MTUS1: variants seen among roughly 807,000 people sequenced by gnomAD.
MTUS1 encodes microtubule associated scaffold protein 1.
In MTUS1, 109 loss-of-function variants were observed where a neutral mutation model predicts 120.8. The ratio of observed to expected loss-of-function variants is 0.90; its 90% CI spans 0.77 to 1.06. The LOEUF (loss-of-function observed/expected upper bound fraction) is 1.06. Among genes scored for constraint, MTUS1 ranks in the 50% least tolerant of loss-of-function variants. The pLI, the probability that MTUS1 is intolerant of heterozygous loss-of-function variation, is 0.00. For synonymous variants in MTUS1, 737 were observed against 550.5 expected (o/e 1.34, Z -4.74); for missense variants, 2,210 against 1,486.3 (o/e 1.49, Z -8.01).
At chr8:17,745,762 T>A (rs959810132) in intron 2 of MTUS1, among the ~76,000 whole-genome samples, 5 of 152,238 alleles carry the variant, frequency 3.3e-5, no homozygotes, top group African/African-American at 1.2e-4. Context: ...GTTTTCCTTC[T>A]ACCTGTCCGG....
At chr8:17,740,982 C>T (rs1163233543) in intron 3 of MTUS1, among the ~76,000 whole-genome samples, 1 of 152,174 alleles carries the variant, frequency 6.6e-6, no homozygotes, top group Non-Finnish European at 1.5e-5. Context: ...TCTCCTGCCT[C>T]ACCCTCCCCA....
intron 3 of MTUS1, among the ~76,000 whole-genome samples, chr8:17,731,110 C>G (rs1479343027): frequency 6.6e-6 from 1 of 152,070 alleles, no homozygotes; most frequent in Non-Finnish European, 1.5e-5. Context: ...ATATACATCT[C>G]AGAGATATAA....
intron 4 of MTUS1, chr8:17,723,229 A>G (rs1021345649): frequency 7.7e-5 from 14 of 181,258 alleles, no homozygotes; most frequent in Non-Finnish European, 1.4e-4. Flanking sequence ...TTAACTGAAA[A>G]CTTTAACAAA....
chr8:17,712,840 A>G (rs896047961), intron 6 of MTUS1, among the ~76,000 whole-genome samples: 2 of 152,218 alleles, frequency 1.3e-5, no homozygotes, highest in South Asian at 4.1e-4. Context: ...ACATAAAAAT[A>G]TAGGCTGCTG....
intron 3 of MTUS1, among the ~76,000 whole-genome samples, chr8:17,725,453 T>G (rs980970609): frequency 2.0e-5 from 3 of 152,302 alleles, no homozygotes; most frequent in Admixed American, 1.3e-4. Flanking sequence ...TAACCTCGCT[T>G]TCTCTCTGAC....
chr8:17,675,979 C>T (rs1347499291), intron 7 of MTUS1: 4 of 382,680 alleles, frequency 1.0e-5, no homozygotes, highest in African/African-American at 4.1e-5. Context: ...CACATACACA[C>T]ATACTTACAC....
intron 6 of MTUS1, among the ~76,000 whole-genome samples, chr8:17,688,172 C>T (rs962163843): frequency 3.3e-5 from 5 of 152,278 alleles, no homozygotes; most frequent in African/African-American, 1.2e-4. Flanking sequence ...TGGAAACGAA[C>T]GTTGTCCACT....
intron 6 of MTUS1, among the ~76,000 whole-genome samples, chr8:17,702,413 A>G (rs1031375957): frequency 9.2e-5 from 14 of 152,064 alleles, no homozygotes; most frequent in African/African-American, 2.7e-4. Flanking sequence ...AGAACACTTA[A>G]TGAGATCTAC....
chr8:17,761,069 A>ACCC (rs2049004360), intron 1 of MTUS1, among the ~76,000 whole-genome samples: 1 of 152,174 alleles, frequency 6.6e-6, no homozygotes, highest in Non-Finnish European at 1.5e-5. Context: ...CCCACTTATT[A>ACCC]AAGAGCTGGG....
intron 4 of MTUS1, among the ~76,000 whole-genome samples, chr8:17,718,043 CACA>C (rs1822668899): frequency 6.6e-6 from 1 of 152,178 alleles, no homozygotes; most frequent in Non-Finnish European, 1.5e-5. Flanking sequence ...TAATGGCAGG[CACA>C]ACCTGTACTG....
At chr8:17,768,153 G>C (rs781444951) in intron 1 of MTUS1, among the ~76,000 whole-genome samples, 3 of 152,216 alleles carry the variant, frequency 2.0e-5, no homozygotes, top group Non-Finnish European at 4.4e-5. Context: ...TAGTATCAGA[G>C]AGCTGTATAA....
chr8:17,654,216 G>T, intron 10 of MTUS1: 1 of 294,680 alleles, frequency 3.4e-6, no homozygotes, highest in Non-Finnish European at 6.3e-6. Flanking sequence ...CTGCTGTGCA[G>T]GAGCACTTGG....
chr8:17,684,134 G>GA (rs1815219720), intron 7 of MTUS1, among the ~76,000 whole-genome samples, 194 bp downstream of exon 7: 1 of 152,170 alleles, frequency 6.6e-6, no homozygotes, highest in Non-Finnish European at 1.5e-5. Flanking sequence ...AAGGAAGTGA[G>GA]AAAATGTTTC....
chr8:17,662,347 CTATT>C (rs138320528), intron 8 of MTUS1, among the ~76,000 whole-genome samples: 8 of 121,556 alleles, frequency 6.6e-5, no homozygotes, highest in South Asian at 2.8e-4. Flanking sequence ...CTTTTTGTCC[CTATT>C]TTTTTTTTTT....
At chr8:17,733,378 G>C (rs1158569934) in intron 3 of MTUS1, among the ~76,000 whole-genome samples, 2 of 151,198 alleles carry the variant, frequency 1.3e-5, no homozygotes, top group African/African-American at 4.9e-5. Context: ...AAAAACAGCA[G>C]ACACTGTCTC....
intron 7 of MTUS1, among the ~76,000 whole-genome samples, chr8:17,675,584 C>CA (rs1812937214): frequency 6.6e-6 from 1 of 152,138 alleles, no homozygotes; most frequent in South Asian, 2.1e-4. Context: ...AGATGTAATG[C>CA]GTTCTCCTCC....
In MTUS1 at chr8:17,647,091, C is replaced by T. The variant is rs748000089; in HGVS notation, c.3502-12G>A. ...GTGTTGTTGTCCACCTTGGCATAAA[C>T]AAGAATTCCAACATTTATACAATAT... On this transcript the variant is annotated splice_polypyrimidine_tract_variant and intron_variant, in intron 13 of 14. Transcript: ENST00000693296. The T allele has an allele frequency of 1.3e-5, 21 of 1,598,814 alleles. No individual in the cohort carries two copies. The East Asian group carries it at 3.4e-4, about 26-fold the overall frequency.
chr8:17,791,248 G>A (rs2051758934), intron 1 of MTUS1, among the ~76,000 whole-genome samples: 1 of 152,178 alleles, frequency 6.6e-6, no homozygotes, highest in Non-Finnish European at 1.5e-5. Context: ...CAGGGCTGAT[G>A]TGATCAGTTC....
At chr8:17,759,941 G>A (rs900605462) in intron 1 of MTUS1, among the ~76,000 whole-genome samples, 19 of 151,568 alleles carry the variant, frequency 1.3e-4, no homozygotes, top group Admixed American at 5.3e-4. Flanking sequence ...GGGTGTGGTC[G>A]CTCATGCCTG....
Sources: gnomAD v4.1 joint callset for allele counts (sites outside exome capture counted in the v4.1 genomes callset) on GRCh38, gnomAD v4.1.1 for gene constraint, MANE v1.5 for transcripts, NCBI Gene and HGNC (gene_info 2026-07-23, HGNC 2026-07-21) for gene names.